Variants in PKHD1L1 observed in about 807,000 individuals in gnomAD.
The protein encoded by PKHD1L1 is PKHD1 like 1, also known as fibrocystin-L.
PKHD1L1 carries 434 observed loss-of-function variants against 462.9 expected under a neutral mutation model. The observed-to-expected ratio is 0.94, with a 90% CI of 0.87 to 1.02. The LOEUF (loss-of-function observed/expected upper bound fraction) is 1.02. Among genes scored for constraint, PKHD1L1 ranks in the 50% least tolerant of loss-of-function variants. The pLI, the probability that PKHD1L1 is intolerant of heterozygous loss-of-function variation, is 0.00. For missense variants in PKHD1L1, 5,202 were observed against 5,096.1 expected, an observed-to-expected ratio of 1.02 and a Z score of -0.63; for synonymous variants, 1,781 against 1,750.0, an observed-to-expected ratio of 1.02 and a Z score of -0.44.
chr8:109,526,735 C>A, intron 76 of PKHD1L1, 49 bp from the exon 77 acceptor site: 2 of 1,441,362 alleles, frequency 1.4e-6, no homozygotes, highest in African/African-American at 1.4e-5. Context: ...GGTATGAAAA[C>A]AAGTAAAACA....
intron 53 of PKHD1L1, among the ~76,000 whole-genome samples, chr8:109,478,797 C>T (rs1440151948): frequency 6.6e-6 from 1 of 152,054 alleles, no homozygotes; most frequent in East Asian, 1.9e-4. Flanking sequence ...CATGTATATG[C>T]CATGGTATAG....
At chr8:109,499,001 A>G in intron 67 of PKHD1L1, 1 of 485,374 alleles carries the variant, frequency 2.1e-6, no homozygotes, top group South Asian at 3.4e-5. Context: ...TTCTAAAACA[A>G]CAACAAAACA....
intron 51 of PKHD1L1, 113 bp from the exon 52 acceptor site, chr8:109,476,395 C>A (rs528876471): frequency 1.7e-5 from 12 of 724,696 alleles, no homozygotes; most frequent in East Asian, 3.3e-5. Context: ...CAAACTAAAG[C>A]CAAAACTTTT....
In PKHD1L1 at chr8:109,420,610, A is replaced by G. The variant is rs372934494; in HGVS notation, c.2617A>G (p.Met873Val). 1.9e-6 allele frequency: 3 copies of G among 1,610,010 alleles called. No individual in the cohort carries two copies. The Admixed American group carries it at 5.0e-5, about 27-fold the overall frequency. ...VNQTKTNGPT[M>V]TNQYSVTMTS... ...TCAGACCAAAACAAATGGGCCAACT[A>G]TGACAAACCAATATTCTGTTACCAT... is the stretch of plus-strand genomic sequence containing the variant. Residue 873 changes from methionine (M) to valine (V), a missense_variant, in exon 23 of 78, where the codon ATG becomes GTG. Transcript: ENST00000378402.
chr8:109,433,384 C>T lies in PKHD1L1; in HGVS notation c.3340+168C>T, dbSNP rs751203133. ...AATTGGCAACCTGGTCTATATAATG[C>T]CTTATCTTTGATTATGATCACAGAC... On this transcript the variant is annotated intron_variant, in intron 28 of 77. Coordinates refer to ENST00000378402, the MANE Select transcript of PKHD1L1 (RefSeq NM_177531.6). Among the ~76,000 whole-genome samples, 64 of 152,118 alleles carry T rather than the reference C, an allele frequency of 4.2e-4. 1 individual carries two copies. Among genetic ancestry groups the T allele is most frequent in the Non-Finnish European group, 2.1e-4 (14 of 68,030 alleles).
intron 9 of PKHD1L1, among the ~76,000 whole-genome samples, chr8:109,390,868 G>A (rs1381424264): frequency 6.6e-6 from 1 of 152,082 alleles, no homozygotes; most frequent in East Asian, 1.9e-4. Flanking sequence ...ACCTGATAAA[G>A]ATTTTCTTTT....
Position 109,388,572 on chromosome 8 carries a change from C to T in PKHD1L1, c.623+22C>T, listed in dbSNP as rs199533689. The T allele has an allele frequency of 2.7e-4, 396 of 1,467,354 alleles. 1 individual carries two copies. The East Asian group carries it at 9.5e-3, about 35-fold the overall frequency. 90.9% of individuals were successfully genotyped at this position (1,467,354 alleles called of 1,614,324 possible). A position where few individuals can be genotyped will look rare whatever the true frequency, so the allele number is the denominator to read the frequency against. On this transcript the variant is annotated intron_variant, in intron 7 of 77. Coordinates refer to ENST00000378402, the MANE Select transcript of PKHD1L1 (RefSeq NM_177531.6). ...ATTTGTAAGTAATTCAAATTATTTTCTTTACAAAAACAAATAGCAGATATA... is the reference window on the plus strand; with the variant it reads ...ATTTGTAAGTAATTCAAATTATTTTTTTTACAAAAACAAATAGCAGATATA...
chr8:109,432,048 T>C (rs1240033737), intron 27 of PKHD1L1, among the ~76,000 whole-genome samples: 1 of 152,192 alleles, frequency 6.6e-6, no homozygotes, highest in Non-Finnish European at 1.5e-5. Flanking sequence ...ATTCCCTTAT[T>C]AGTAATGTAC....
intron 24 of PKHD1L1, 98 bp downstream of exon 24, chr8:109,425,330 T>G: frequency 9.0e-6 from 7 of 773,968 alleles, no homozygotes; most frequent in Non-Finnish European, 1.1e-5. Flanking sequence ...TTACTACTTA[T>G]TGATACATAC....
In PKHD1L1 at chr8:109,364,669, A is replaced by C. The variant is rs765434737; in HGVS notation, c.163+33A>C. ...TGCTTTTTTTTTTTTTTTTTTGCCA[A>C]GGTTGAGGTATTTTCAAGCCTATTT... On this transcript the variant is annotated intron_variant, in intron 2 of 77. Transcript: ENST00000378402. 1.6e-5 allele frequency: 18 copies of C among 1,134,958 alleles called. No individual in the cohort carries two copies. The African/African-American group carries it at 2.1e-4, about 13-fold the overall frequency. 70.3% of individuals were successfully genotyped at this position (1,134,958 alleles called of 1,614,324 possible). A position where few individuals can be genotyped will look rare whatever the true frequency, so the allele number is the denominator to read the frequency against.
Position 109,389,499 on chromosome 8 carries a change from AGTGTGTGTGTGTGTGTGTGT to A in PKHD1L1, c.697+376_697+395del, listed in dbSNP as rs55680302. On this transcript the variant is annotated intron_variant, in intron 8 of 77. Transcript: ENST00000378402. ...CCTCCAGACACATAGATCTTTTAAG[AGTGTGTGTGTGTGTGTGTGT>A]GTGTGTGTGTGTGTGTGTGTGTGTG... 6.7e-3 allele frequency among the ~76,000 whole-genome samples: 940 copies of A among 140,878 alleles called. 6 individuals are homozygous for A. Among genetic ancestry groups the A allele is most frequent in the Middle Eastern group, 0.054 (15 of 278 alleles). The allele number at this position is 140,878 out of a possible 152,430, so 92.4% of individuals were successfully genotyped here.
intron 9 of PKHD1L1, among the ~76,000 whole-genome samples, chr8:109,392,522 G>A (rs1280997165): frequency 6.6e-6 from 1 of 151,700 alleles, no homozygotes; most frequent in Non-Finnish European, 1.5e-5. Flanking sequence ...AAAGCCAACA[G>A]CTATCCCTTT....
At chr8:109,391,961 A>G (rs1398470896) in intron 9 of PKHD1L1, among the ~76,000 whole-genome samples, 1 of 152,178 alleles carries the variant, frequency 6.6e-6, no homozygotes, top group East Asian at 1.9e-4. Context: ...GACCAAAACT[A>G]AGAGTAAATC....
intron 19 of PKHD1L1, among the ~76,000 whole-genome samples, chr8:109,411,549 C>T (rs1813857214): frequency 6.6e-6 from 1 of 152,106 alleles, no homozygotes; most frequent in South Asian, 2.1e-4. Context: ...TAATTTACCT[C>T]CTACTCCTTT....
Position 109,440,924 on chromosome 8 carries a change from T to C in PKHD1L1, c.4099+72T>C, listed in dbSNP as rs1815750139. On this transcript the variant is annotated intron_variant, in intron 33 of 77. Transcript: ENST00000378402. Reference sequence around the variant, plus strand: ...AAAGGATATACTACAGGTGCTGAGTTATTATATGAATATTCTAAATCACAG... The same window carrying C: ...AAAGGATATACTACAGGTGCTGAGTCATTATATGAATATTCTAAATCACAG... 3 of 1,478,876 alleles carry C rather than the reference T, an allele frequency of 2.0e-6. No individual in the cohort carries two copies. In the Admixed American group the frequency reaches 6.5e-5, roughly 32 times the overall value. The allele number at this position is 1,478,876 out of a possible 1,614,324, so 91.6% of individuals were successfully genotyped here. A position where few individuals can be genotyped will look rare whatever the true frequency, so the allele number is the denominator to read the frequency against.
Position 109,408,036 on chromosome 8 carries a change from C to T in PKHD1L1, c.1814-13C>T, listed in dbSNP as rs1055114058. ...GTTAATGTCTACAAATTCTGTTTGT[C>T]ACTTAATTTCAGGAGACTTTGATCT... On this transcript the variant is annotated splice_polypyrimidine_tract_variant and intron_variant, in intron 17 of 77. Transcript: ENST00000378402. 6.4e-7 allele frequency: 1 copy of T among 1,562,048 alleles called. No individual in the cohort carries two copies. Among genetic ancestry groups the T allele is most frequent in the East Asian group, 2.3e-5 (1 of 43,696 alleles).
intron 47 of PKHD1L1, among the ~76,000 whole-genome samples, chr8:109,461,297 T>G (rs1416457433): frequency 1.3e-5 from 2 of 152,202 alleles, no homozygotes; most frequent in East Asian, 3.9e-4. Flanking sequence ...AGTTCATCAG[T>G]TCATCTGCGT....
chr8:109,397,943 T>C (rs745826734), intron 11 of PKHD1L1, among the ~76,000 whole-genome samples: 1 of 152,176 alleles, frequency 6.6e-6, no homozygotes, highest in African/African-American at 2.4e-5. Flanking sequence ...ACAATAGCTA[T>C]CTTTTAGCCT....
At chr8:109,457,703 C>A (rs1277828364) in intron 46 of PKHD1L1, among the ~76,000 whole-genome samples, 11 of 152,060 alleles carry the variant, frequency 7.2e-5, no homozygotes, top group Non-Finnish European at 1.2e-4. Context: ...GCAGTAAAAG[C>A]AGAACTTGGC....
Sources: allele counts gnomAD v4.1 joint callset (sites outside exome capture counted in the v4.1 genomes callset), GRCh38; gene constraint gnomAD v4.1.1; transcripts MANE v1.5; gene names NCBI Gene and HGNC (gene_info 2026-07-23, HGNC 2026-07-21).